The following TXNDC8 variants were observed in gnomAD, a reference collection of about 807,000 sequenced individuals.
TXNDC8 encodes thioredoxin domain-containing protein 8.
In TXNDC8, 15 loss-of-function variants were observed where a neutral mutation model predicts 12.9. That is an observed-to-expected ratio of 1.16 (90% CI 0.78 to 1.79). TXNDC8 has a LOEUF of 1.79. Among genes scored for constraint, TXNDC8 ranks in the 40% most tolerant of loss-of-function variants. The probability of loss-of-function intolerance (pLI) is 0.00; values close to 1 mark genes in which losing one functional copy is unlikely to be tolerated. For missense variants in TXNDC8, 128 were observed against 113.2 expected (o/e 1.13, Z -0.59); for synonymous variants, 40 against 35.4 (o/e 1.13, Z -0.46).
chr9:110,306,904 A>G (rs538759798), intron 3 of TXNDC8, among the ~76,000 whole-genome samples: 2 of 152,130 alleles, frequency 1.3e-5, no homozygotes, highest in African/African-American at 4.8e-5. Flanking sequence ...CACTACACCA[A>G]GGATGAAGAC....
chr9:110,310,039 C>A (rs761413139), intron 3 of TXNDC8, among the ~76,000 whole-genome samples: 2 of 152,142 alleles, frequency 1.3e-5, no homozygotes, highest in Admixed American at 6.5e-5. Context: ...GAGACTGACT[C>A]CCCTTTCAAG....
At chr9:110,334,609 A>T (rs12685786) in intron 1 of TXNDC8, among the ~76,000 whole-genome samples, 9,094 of 152,148 alleles carry the variant, frequency 0.06, 561 homozygotes, top group East Asian at 0.34. Flanking sequence ...CCCCACCTTA[A>T]ATGTCCCTCA....
intron 3 of TXNDC8, among the ~76,000 whole-genome samples, chr9:110,311,722 C>A (rs1838692209): frequency 8.7e-6 from 1 of 114,332 alleles, no homozygotes; most frequent in African/African-American, 3.4e-5. Flanking sequence ...TTACTATATC[C>A]ATATATATAC....
intron 1 of TXNDC8, among the ~76,000 whole-genome samples, chr9:110,334,766 A>G (rs1839683009): frequency 6.6e-6 from 1 of 152,170 alleles, no homozygotes; most frequent in Non-Finnish European, 1.5e-5. Flanking sequence ...GTGGAGGTGA[A>G]CTGCTGTTCA....
At chr9:110,329,684 G>C (rs544101101) in intron 2 of TXNDC8, among the ~76,000 whole-genome samples, 1 of 152,294 alleles carries the variant, frequency 6.6e-6, no homozygotes, top group South Asian at 2.1e-4. Context: ...ACAGTTCTCC[G>C]AGCCAAACTC....
chr9:110,301,724 A>G (rs1838274214), downstream of TXNDC8, among the ~76,000 whole-genome samples: 2 of 152,242 alleles, frequency 1.3e-5, no homozygotes, highest in African/African-American at 4.8e-5. Flanking sequence ...AGGATGATTC[A>G]GATGAAAAGC....
chr9:110,309,833 G>A lies in TXNDC8; in HGVS notation c.196-5301C>T, dbSNP rs75499236. Reference sequence around the variant, plus strand: ...TCATCACACAAAAACTCTAGGCCACGGCTCAGTTCCTTTTATTAAGGAAAA... The same window carrying A: ...TCATCACACAAAAACTCTAGGCCACAGCTCAGTTCCTTTTATTAAGGAAAA... On this transcript the variant is annotated intron_variant, in intron 3 of 4. Coordinates refer to ENST00000423740, the MANE Select transcript of TXNDC8 (RefSeq NM_001286946.2). Among the ~76,000 whole-genome samples, 394 of 151,462 alleles carry A rather than the reference G, an allele frequency of 2.6e-3. 4 individuals are homozygous for A. Among genetic ancestry groups the A allele is most frequent in the Admixed American group, 0.014 (219 of 15,202 alleles).
chr9:110,329,438 G>A (rs747178784), intron 2 of TXNDC8, 147 bp from the exon 3 acceptor site: 3 of 638,722 alleles, frequency 4.7e-6, no homozygotes, highest in Non-Finnish European at 8.0e-6. Flanking sequence ...CTACAGCCTA[G>A]AGCCTGAAGC....
intron 3 of TXNDC8, among the ~76,000 whole-genome samples, chr9:110,307,916 C>T (rs1165079213): frequency 6.6e-6 from 1 of 152,194 alleles, no homozygotes; most frequent in Non-Finnish European, 1.5e-5. Flanking sequence ...GCATCAGGAC[C>T]TCCTGAGGCT....
chr9:110,303,391 G>A, downstream of TXNDC8: 1 of 1,026,280 alleles, frequency 9.7e-7, no homozygotes, highest in Non-Finnish European at 1.3e-6. Flanking sequence ...ATTGCATTAT[G>A]GTATTCAACC....
At chr9:110,301,970 T>C (rs547795668), downstream of TXNDC8, among the ~76,000 whole-genome samples, 3 of 151,940 alleles carry the variant, frequency 2.0e-5, no homozygotes, top group Non-Finnish European at 4.4e-5. Flanking sequence ...TTTTTATTTT[T>C]ATTTATCTAT....
chr9:110,327,515 G>A (rs889862704), intron 2 of TXNDC8, among the ~76,000 whole-genome samples: 1 of 151,912 alleles, frequency 6.6e-6, no homozygotes, highest in African/African-American at 2.4e-5. Flanking sequence ...TAGAGATGGG[G>A]GTTCGCCACG....
At chr9:110,313,713 T>C (rs1838775884) in intron 3 of TXNDC8, among the ~76,000 whole-genome samples, 1 of 152,082 alleles carries the variant, frequency 6.6e-6, no homozygotes, top group Admixed American at 6.6e-5. Flanking sequence ...AACAAACAAA[T>C]AACAAACAAA....
intron 3 of TXNDC8, among the ~76,000 whole-genome samples, chr9:110,309,854 G>GA (rs945910011): frequency 2.0e-5 from 3 of 149,138 alleles, no homozygotes; most frequent in Non-Finnish European, 4.5e-5. Flanking sequence ...TTTTATTAAG[G>GA]AAAAAAAAGT....
chr9:110,317,419 T>G (rs1233332045), intron 3 of TXNDC8, among the ~76,000 whole-genome samples: 1 of 152,186 alleles, frequency 6.6e-6, no homozygotes, highest in East Asian at 1.9e-4. Flanking sequence ...AATGAACTTG[T>G]GCCTATCCTC....
intron 3 of TXNDC8, among the ~76,000 whole-genome samples, chr9:110,324,982 C>G (rs139314551): frequency 6.6e-6 from 1 of 152,202 alleles, no homozygotes; most frequent in African/African-American, 2.4e-5. Context: ...CATGTTGGTT[C>G]TTGCCTGTAA....
chr9:110,303,158 AAG>A (rs1838306131), downstream of TXNDC8, among the ~76,000 whole-genome samples: 1 of 152,212 alleles, frequency 6.6e-6, no homozygotes, highest in Admixed American at 6.5e-5. Flanking sequence ...CGAGGGCACT[AAG>A]ACATTTATTT....
chr9:110,305,546 TTTTCTTTC>T (rs201277248), intron 3 of TXNDC8, among the ~76,000 whole-genome samples: 15,806 of 115,138 alleles, frequency 0.14, 1,071 homozygotes, highest in Middle Eastern at 0.2. Flanking sequence ...TGTATTTTCT[TTTTCTTTC>T]TTTCTTTCTT....
chr9:110,334,745 G>C (rs1005704613), intron 1 of TXNDC8, among the ~76,000 whole-genome samples: 1 of 152,200 alleles, frequency 6.6e-6, no homozygotes, highest in African/African-American at 2.4e-5. Context: ...GGGAGGGATG[G>C]GGGCTGGAGG....
Sources: allele counts gnomAD v4.1 joint callset (sites outside exome capture counted in the v4.1 genomes callset), GRCh38; gene constraint gnomAD v4.1.1; transcripts MANE v1.5; gene names NCBI Gene and HGNC (gene_info 2026-07-23, HGNC 2026-07-21).